Variants in RGS7 observed in about 807,000 individuals in gnomAD.
RGS7 encodes regulator of G protein signaling 7, also known as regulator of G-protein signaling 7.
Under a neutral mutation model 81.1 loss-of-function variants are expected in RGS7, and 27 were observed. The observed-to-expected ratio is 0.33, with a 90% CI of 0.25 to 0.46. The LOEUF (loss-of-function observed/expected upper bound fraction) is 0.46. RGS7 is among the 20% of genes least tolerant of loss of function. The probability of loss-of-function intolerance (pLI) is 1.00; values close to 1 mark genes in which losing one functional copy is unlikely to be tolerated. For missense variants in RGS7, 396 were observed against 607.4 expected, an observed-to-expected ratio of 0.65 and a Z score of 3.66; for synonymous variants, 208 against 207.7, an observed-to-expected ratio of 1.00 and a Z score of -0.01.
chr1:240,962,299 A>G (rs1184789157), intron 4 of RGS7, among the ~76,000 whole-genome samples: 1 of 152,096 alleles, frequency 6.6e-6, no homozygotes, highest in African/African-American at 2.4e-5. Context: ...CTACTCTGCT[A>G]TCTTTCTCTC....
At chr1:240,805,732 G>A (rs909259385) in intron 15 of RGS7, among the ~76,000 whole-genome samples, 2 of 151,992 alleles carry the variant, frequency 1.3e-5, no homozygotes, top group African/African-American at 4.8e-5. Flanking sequence ...AATAATTCAG[G>A]AATGTCAGAG....
At chr1:240,917,561 G>A (rs574952751) in intron 6 of RGS7, among the ~76,000 whole-genome samples, 3 of 152,172 alleles carry the variant, frequency 2.0e-5, no homozygotes, top group African/African-American at 4.8e-5. Flanking sequence ...ACTTGGATTC[G>A]TTGTAAATGT....
Position 241,327,129 on chromosome 1 carries a change from A to AG in RGS7, c.78+28569dup, listed in dbSNP as rs1469905048. Among the ~76,000 whole-genome samples the AG allele has an allele frequency of 8.0e-4, 84 of 104,686 alleles. 3 individuals are homozygous for AG. Among genetic ancestry groups the AG allele is most frequent in the Middle Eastern group, 0.01 (2 of 194 alleles). 68.7% of individuals were successfully genotyped at this position (104,686 alleles called of 152,430 possible). A position where few individuals can be genotyped will look rare whatever the true frequency, so the allele number is the denominator to read the frequency against. On this transcript the variant is annotated intron_variant, in intron 2 of 18. Coordinates refer to ENST00000440928, the MANE Select transcript of RGS7 (RefSeq NM_001364886.1). ...AAGAAAGAAAGAAAGAAAGAAAGAA[A>AG]GAAAGAAAGAAAGAAAGGAAAGAAA...
At chr1:241,039,009 A>T (rs916085533) in intron 3 of RGS7, among the ~76,000 whole-genome samples, 7 of 152,078 alleles carry the variant, frequency 4.6e-5, no homozygotes, top group African/African-American at 1.7e-4. Flanking sequence ...AGAAAAAAGA[A>T]TGAAAGTCAG....
At chr1:241,277,868 T>G (rs918866681) in intron 2 of RGS7, among the ~76,000 whole-genome samples, 2 of 152,228 alleles carry the variant, frequency 1.3e-5, no homozygotes, top group Non-Finnish European at 2.9e-5. Flanking sequence ...ATTTGAAACC[T>G]TTTATGAATC....
In RGS7 at chr1:240,784,658, A is replaced by G. The variant is rs200963684; in HGVS notation, c.*7-8445T>C. Among the ~76,000 whole-genome samples, 12 of 141,174 alleles carry G rather than the reference A, an allele frequency of 8.5e-5. No individual in the cohort carries two copies. The South Asian group carries it at 2.0e-3, about 24-fold the overall frequency. 92.6% of individuals were successfully genotyped at this position (141,174 alleles called of 152,430 possible). On this transcript the variant is annotated intron_variant, in intron 18 of 18. Coordinates refer to ENST00000440928, the MANE Select transcript of RGS7 (RefSeq NM_001364886.1). ...AAGACTCCGCCTCAAAAAAAAAAAG[A>G]TTTTTTTTTTTTTGAAAAAAAATTT...
rs147829088 is a variant in RGS7, at chr1:240,890,809, C to T, written c.386-20690G>A. Among the ~76,000 whole-genome samples the T allele has an allele frequency of 3.9e-5, 6 of 152,018 alleles. No individual in the cohort carries two copies. The East Asian group carries it at 9.7e-4, about 25-fold the overall frequency. On this transcript the variant is annotated intron_variant, in intron 6 of 18. Transcript: ENST00000440928. ...ATAAATGGCTGCATTGGAATTTGAA[C>T]CCAGTTGTCTGGGAAGAGCCATTCT...
intron 2 of RGS7, among the ~76,000 whole-genome samples, chr1:241,158,382 A>T (rs1409002770): frequency 6.6e-6 from 1 of 152,208 alleles, no homozygotes; most frequent in South Asian, 2.1e-4. Flanking sequence ...TGTTACCTGT[A>T]CATGTCTGTA....
chr1:240,998,106 CA>C (rs1484889161), intron 3 of RGS7, among the ~76,000 whole-genome samples: 1 of 152,160 alleles, frequency 6.6e-6, no homozygotes, highest in Non-Finnish European at 1.5e-5. Context: ...TTCTTTTCAG[CA>C]GGAAAGGAAA....
intron 2 of RGS7, among the ~76,000 whole-genome samples, chr1:241,183,365 C>A (rs933164822): frequency 2.0e-5 from 3 of 152,206 alleles, no homozygotes; most frequent in Non-Finnish European, 4.4e-5. Context: ...ACCACGTGCT[C>A]CATCTGAATA....
intron 9 of RGS7, among the ~76,000 whole-genome samples, chr1:240,858,529 C>T (rs1238466981): frequency 6.6e-6 from 1 of 152,086 alleles, no homozygotes; most frequent in Non-Finnish European, 1.5e-5. Context: ...TTTTTTGGTG[C>T]AGTGTCTGTT....
intron 18 of RGS7, among the ~76,000 whole-genome samples, chr1:240,790,261 A>G (rs2103006712): frequency 6.6e-6 from 1 of 152,228 alleles, no homozygotes; most frequent in African/African-American, 2.4e-5. Context: ...AAACAAAACA[A>G]AAACAAAAAG....
chr1:240,849,486 C>G (rs1165331225), intron 9 of RGS7, among the ~76,000 whole-genome samples: 1 of 152,094 alleles, frequency 6.6e-6, no homozygotes, highest in Non-Finnish European at 1.5e-5. Context: ...AAATTAATGC[C>G]AACTGATATG....
chr1:241,129,910 T>G (rs184518026), intron 2 of RGS7, among the ~76,000 whole-genome samples: 86 of 152,320 alleles, frequency 5.6e-4, no homozygotes, highest in Non-Finnish European at 1.1e-3. Flanking sequence ...GATCTAATAT[T>G]ATTTTAAAAT....
intron 9 of RGS7, among the ~76,000 whole-genome samples, chr1:240,829,798 CTCTG>C (rs1007314364): frequency 5.9e-5 from 9 of 152,030 alleles, no homozygotes; most frequent in Admixed American, 2.0e-4. Context: ...TTCTGTCTCT[CTCTG>C]TCTTTCTTTT....
intron 2 of RGS7, among the ~76,000 whole-genome samples, chr1:241,147,792 ATATATATATATATATATATATATATATG>A (rs1413698491): frequency 8.9e-6 from 1 of 112,322 alleles, no homozygotes; most frequent in African/African-American, 3.9e-5. Context: ...ATATATATAT[ATATATATATATATATATATATATATATG>A]TAAGAATCAA....
intron 2 of RGS7, among the ~76,000 whole-genome samples, chr1:241,216,367 T>C: frequency 6.6e-6 from 1 of 152,286 alleles, no homozygotes; most frequent in South Asian, 2.1e-4. Context: ...AAATTTAAAA[T>C]ATACCTGATT....
intron 3 of RGS7, among the ~76,000 whole-genome samples, chr1:241,054,970 C>A (rs1444657296): frequency 6.6e-6 from 1 of 152,070 alleles, no homozygotes. Context: ...TGAAAGACCC[C>A]AGTCTAGTAA....
chr1:241,350,741 CAAAAAAAAAAAAA>C (rs71172699), intron 2 of RGS7, among the ~76,000 whole-genome samples: 1 of 88,560 alleles, frequency 1.1e-5, no homozygotes. Context: ...GACCCCATCT[CAAAAAAAAAAAAA>C]AAAAAAAAAA....
Sources: allele counts gnomAD v4.1 joint callset (sites outside exome capture counted in the v4.1 genomes callset), GRCh38; gene constraint gnomAD v4.1.1; transcripts MANE v1.5; gene names NCBI Gene and HGNC (gene_info 2026-07-23, HGNC 2026-07-21).